Variants in JAK2 observed in about 807,000 individuals in gnomAD.
JAK2 encodes Janus kinase 2, also known as tyrosine-protein kinase JAK2.
JAK2 carries 86 observed loss-of-function variants against 139.3 expected under a neutral mutation model. The ratio of observed to expected loss-of-function variants is 0.62; its 90% CI spans 0.52 to 0.74. The LOEUF is 0.74. Among genes scored for constraint, JAK2 ranks in the 30% least tolerant of loss-of-function variants. JAK2 has a pLI of 0.00. For synonymous variants in JAK2, 490 were observed against 437.7 expected (o/e 1.12, Z -1.49); for missense variants, 1,421 against 1,360.3 (o/e 1.04, Z -0.70).
chr9:5,064,356 C>T (rs1464848559), intron 8 of JAK2, among the ~76,000 whole-genome samples: 1 of 151,908 alleles, frequency 6.6e-6, no homozygotes, highest in Non-Finnish European at 1.5e-5. Flanking sequence ...ATGGCGAGAA[C>T]CTGTCTTTAC....
At chr9:5,006,712 T>G (rs897744131) in intron 2 of JAK2, among the ~76,000 whole-genome samples, 1 of 152,210 alleles carries the variant, frequency 6.6e-6, no homozygotes, top group Non-Finnish European at 1.5e-5. Flanking sequence ...ATCATGAGAC[T>G]AGCAAAGCGT....
At chr9:5,042,003 C>G in intron 4 of JAK2, 1 of 348,458 alleles carries the variant, frequency 2.9e-6, no homozygotes, top group Non-Finnish European at 5.6e-6. Flanking sequence ...TTGGGGCCCA[C>G]CCACAGCGGC....
chr9:5,063,658 T>A (rs1446154926), intron 8 of JAK2, among the ~76,000 whole-genome samples: 2 of 152,218 alleles, frequency 1.3e-5, no homozygotes, highest in East Asian at 3.8e-4. Context: ...CTACCATGGT[T>A]AATCTTCTAT....
intron 22 of JAK2, among the ~76,000 whole-genome samples, chr9:5,103,862 A>G (rs748844776): frequency 2.6e-5 from 4 of 152,262 alleles, no homozygotes; most frequent in Non-Finnish European, 4.4e-5. Flanking sequence ...ATGTTCTTTG[A>G]AACCAACGAG....
At chr9:5,046,888 G>A (rs1817046086) in intron 5 of JAK2, among the ~76,000 whole-genome samples, 1 of 152,146 alleles carries the variant, frequency 6.6e-6, no homozygotes, top group Non-Finnish European at 1.5e-5. Flanking sequence ...GGGTAGGCTA[G>A]TTAAGTCCCA....
chr9:5,068,384 A>C (rs1818714196), intron 10 of JAK2, among the ~76,000 whole-genome samples: 1 of 150,820 alleles, frequency 6.6e-6, no homozygotes, highest in Non-Finnish European at 1.5e-5. Context: ...AAAGATAATT[A>C]TACAAATACA....
chr9:5,073,935 A>C, intron 14 of JAK2, 150 bp downstream of exon 14: 1 of 597,722 alleles, frequency 1.7e-6, no homozygotes, highest in East Asian at 2.8e-5. Flanking sequence ...ACACTGTAGG[A>C]CTATTCAGTT....
intron 3 of JAK2, among the ~76,000 whole-genome samples, chr9:5,024,645 G>T (rs1447236265): frequency 6.6e-6 from 1 of 152,000 alleles, no homozygotes; most frequent in Non-Finnish European, 1.5e-5. Context: ...TCTCTGTTTT[G>T]GTTTTCAGTG....
At chr9:5,047,640 G>A (rs944520697) in intron 5 of JAK2, among the ~76,000 whole-genome samples, 3 of 152,166 alleles carry the variant, frequency 2.0e-5, no homozygotes, top group African/African-American at 7.2e-5. Flanking sequence ...AATGAGAAAA[G>A]GTTTTCTTTC....
chr9:5,077,778 G>C lies in JAK2; in HGVS notation c.1992+198G>C, dbSNP rs576931862. On this transcript the variant is annotated intron_variant, in intron 15 of 24. Transcript: ENST00000381652. ...AAATCACTTTTGAAAAAAAAGTTTT[G>C]TCATCCCATCAATATCTTAGAACTA... Among the ~76,000 whole-genome samples the C allele has an allele frequency of 2.6e-5, 4 of 152,256 alleles. No individual in the cohort carries two copies. The East Asian group carries it at 7.7e-4, about 29-fold the overall frequency.
intron 6 of JAK2, among the ~76,000 whole-genome samples, chr9:5,053,048 T>G (rs567031838): frequency 3.9e-5 from 6 of 152,222 alleles, no homozygotes; most frequent in African/African-American, 1.4e-4. Context: ...GGTAACTGTT[T>G]AACTTTTTGA....
chr9:4,990,823 G>A (rs562743824), intron 2 of JAK2, among the ~76,000 whole-genome samples: 2 of 152,238 alleles, frequency 1.3e-5, no homozygotes, highest in Admixed American at 6.5e-5. Flanking sequence ...TGTTCTCTCC[G>A]GTTTAACAAA....
intron 22 of JAK2, among the ~76,000 whole-genome samples, chr9:5,103,129 T>A (rs541520784): frequency 6.9e-6 from 1 of 144,810 alleles, no homozygotes; most frequent in East Asian, 2.1e-4. Flanking sequence ...GACCCATCAC[T>A]GTGCTGTATT....
At position 5,080,345 on chromosome 9, in the gene JAK2, G is replaced by A. The variant is rs1819600682; in HGVS notation, c.2248G>A (p.Gly750Arg). The stretch of plus-strand genomic sequence containing the variant: ...CACTTTGTGGGAAATCTGCAGTGGA[G>A]GAGATAAACCTCTAAGTGCTCTGGA... ...GTTLWEICSG[G>R]DKPLSALDSQ... is the part of the protein sequence containing the mutation. The change falls in exon 17 of 25, where the codon GGA becomes AGA. Residue 750 changes from glycine to arginine, a missense_variant. Physicochemically the swap from Gly to Arg is moderately radical, Grantham distance 125. Coordinates refer to ENST00000381652, the MANE Select transcript of JAK2 (RefSeq NM_004972.4). 6.2e-7 allele frequency: 1 copy of A among 1,613,718 alleles called. No homozygotes were observed. Among genetic ancestry groups the A allele is most frequent in the South Asian group, 1.1e-5 (1 of 91,066 alleles).
intron 22 of JAK2, 91 bp downstream of exon 22, chr9:5,091,002 A>C: frequency 1.0e-6 from 1 of 961,520 alleles, no homozygotes. Context: ...TTCTATATTT[A>C]CAGTAACAGT....
chr9:5,028,212 G>A (rs1822907462), intron 3 of JAK2, among the ~76,000 whole-genome samples: 1 of 152,186 alleles, frequency 6.6e-6, no homozygotes, highest in Admixed American at 6.5e-5. Flanking sequence ...TAGCAGGCAT[G>A]AAAACAACAT....
Position 5,112,539 on chromosome 9 carries a change from G to A in JAK2, c.3060-10465G>A, listed in dbSNP as rs887369377. 6.7e-6 allele frequency: 4 copies of A among 598,888 alleles called. No homozygotes were observed. In the South Asian group the frequency reaches 6.8e-5, roughly 10 times the overall value. 37.1% of individuals were successfully genotyped at this position (598,888 alleles called of 1,614,324 possible). A position where few individuals can be genotyped will look rare whatever the true frequency, so the allele number is the denominator to read the frequency against. ...CCCCAGAGCAGAAGGCCGAGTGGGAGAAGCAGGTGGCCAATAACGCCAGGG... is the reference window on the plus strand; with the variant it reads ...CCCCAGAGCAGAAGGCCGAGTGGGAAAAGCAGGTGGCCAATAACGCCAGGG... On this transcript the variant is annotated intron_variant, in intron 22 of 24. Transcript: ENST00000381652.
chr9:5,124,108 A>G (rs994043404), intron 23 of JAK2, among the ~76,000 whole-genome samples: 19 of 151,834 alleles, frequency 1.3e-4, no homozygotes, highest in Admixed American at 1.2e-3. Flanking sequence ...TCTGGATGGT[A>G]GTTCCTTGTC....
At chr9:5,063,216 T>A (rs1019682909) in intron 8 of JAK2, among the ~76,000 whole-genome samples, 21 of 152,218 alleles carry the variant, frequency 1.4e-4, no homozygotes, top group African/African-American at 4.3e-4. Context: ...TATAACTTTT[T>A]CCAGGAGTTA....
Sources: gnomAD v4.1 joint callset for allele counts (sites outside exome capture counted in the v4.1 genomes callset) on GRCh38, gnomAD v4.1.1 for gene constraint, MANE v1.5 for transcripts, NCBI Gene and HGNC (gene_info 2026-07-23, HGNC 2026-07-21) for gene names.